UGT8: variants seen among roughly 807,000 people sequenced by gnomAD.
UGT8 encodes the protein UDP glycosyltransferase 8, also known as 2-hydroxyacylsphingosine 1-beta-galactosyltransferase.
Under a neutral mutation model 40.5 loss-of-function variants are expected in UGT8, and 12 were observed. That is an observed-to-expected ratio of 0.30 (90% CI 0.19 to 0.48). UGT8 has a LOEUF of 0.48. Among genes scored for constraint, UGT8 ranks in the 20% least tolerant of loss-of-function variants. The pLI is 0.99. For synonymous variants in UGT8, 224 were observed against 240.4 expected (o/e 0.93, Z 0.63); for missense variants, 513 against 648.7 (o/e 0.79, Z 2.27).
At chr4:114,626,998 T>G (rs1185058512) in intron 2 of UGT8, among the ~76,000 whole-genome samples, 1 of 152,144 alleles carries the variant, frequency 6.6e-6, no homozygotes, top group Non-Finnish European at 1.5e-5. Flanking sequence ...TTGTGTGCCT[T>G]GATAGTAGAA....
chr4:114,635,730 T>C (rs1732849399), intron 2 of UGT8, among the ~76,000 whole-genome samples: 1 of 152,170 alleles, frequency 6.6e-6, no homozygotes, highest in South Asian at 2.1e-4. Flanking sequence ...TTTAAGTATA[T>C]CGCTTTGTAA....
intron 2 of UGT8, among the ~76,000 whole-genome samples, chr4:114,651,225 GTC>G (rs1733878826): frequency 6.6e-6 from 1 of 151,842 alleles, no homozygotes; most frequent in East Asian, 1.9e-4. Context: ...ATTGAGTAGT[GTC>G]TCTTACCAAT....
At chr4:114,625,408 G>A (rs1486683383) in intron 2 of UGT8, among the ~76,000 whole-genome samples, 2 of 151,132 alleles carry the variant, frequency 1.3e-5, no homozygotes, top group African/African-American at 4.9e-5. Context: ...CTACTCAGGA[G>A]GCTGAGGTGG....
intron 2 of UGT8, among the ~76,000 whole-genome samples, chr4:114,646,595 A>G (rs554300568): frequency 6.4e-4 from 97 of 152,316 alleles, no homozygotes; most frequent in Non-Finnish European, 3.5e-4. Context: ...CACAGATAGT[A>G]CCATTTCCAG....
In UGT8 at chr4:114,648,371, G is replaced by GTTTT. The variant is rs71753758; in HGVS notation, c.823-15606_823-15603dup. ...TGATCTCAGACACACAGAAAATCTG[G>GTTTT]TTTTTTTTTTTTTTTTTTTTTAGTC... On this transcript the variant is annotated intron_variant, in intron 2 of 5. Transcript: ENST00000310836. Among the ~76,000 whole-genome samples the GTTTT allele has an allele frequency of 5.4e-3, 674 of 125,662 alleles. 9 individuals are homozygous for GTTTT. Among genetic ancestry groups the GTTTT allele is most frequent in the African/African-American group, 0.018 (639 of 34,594 alleles). The allele number at this position is 125,662 out of a possible 152,430, so 82.4% of individuals were successfully genotyped here. A position where few individuals can be genotyped will look rare whatever the true frequency, so the allele number is the denominator to read the frequency against.
At chr4:114,606,129 A>G (rs1730716911) in intron 1 of UGT8, among the ~76,000 whole-genome samples, 1 of 152,096 alleles carries the variant, frequency 6.6e-6, no homozygotes, top group South Asian at 2.1e-4. Context: ...CACTTCTGTA[A>G]CACATCTTGA....
chr4:114,618,328 A>G (rs1398765368), intron 1 of UGT8, among the ~76,000 whole-genome samples: 1 of 152,184 alleles, frequency 6.6e-6, no homozygotes, highest in East Asian at 1.9e-4. Context: ...ACACCAGTTT[A>G]CATTTTCACC....
chr4:114,618,186 A>G (rs573161846), intron 1 of UGT8, among the ~76,000 whole-genome samples: 1 of 152,274 alleles, frequency 6.6e-6, no homozygotes, highest in Admixed American at 6.5e-5. Context: ...AATTAAATTA[A>G]TCTACTGTTG....
At chr4:114,661,713 C>A (rs928131146) in intron 2 of UGT8, among the ~76,000 whole-genome samples, 1 of 152,186 alleles carries the variant, frequency 6.6e-6, no homozygotes, top group East Asian at 1.9e-4. Context: ...TCTGCTCCAG[C>A]CTTTCATCTC....
chr4:114,643,817 A>G (rs541596946), intron 2 of UGT8, among the ~76,000 whole-genome samples: 5 of 152,210 alleles, frequency 3.3e-5, no homozygotes, highest in African/African-American at 1.2e-4. Flanking sequence ...GCCACAACAC[A>G]TCAAACATGA....
chr4:114,603,302 G>T (rs1730545107), intron 1 of UGT8, among the ~76,000 whole-genome samples: 1 of 152,118 alleles, frequency 6.6e-6, no homozygotes, highest in Non-Finnish European at 1.5e-5. Flanking sequence ...AGAGGTCCTG[G>T]GCTAGATAGG....
chr4:114,659,174 A>G lies in UGT8; in HGVS notation c.823-4821A>G, dbSNP rs116894252. The stretch of plus-strand genomic sequence containing the variant: ...TAAAATAAATGCAAATACTTAACAT[A>G]TAGCATCTGATTATAGGAAATAGAA... On this transcript the variant is annotated intron_variant, in intron 2 of 5. Coordinates refer to ENST00000310836, the MANE Select transcript of UGT8 (RefSeq NM_001128174.3). Among the ~76,000 whole-genome samples, 133 of 152,314 alleles carry G rather than the reference A, an allele frequency of 8.7e-4. 3 individuals carry two copies. The East Asian group carries it at 0.017, about 20-fold the overall frequency.
At chr4:114,613,600 A>T (rs532114274) in intron 1 of UGT8, among the ~76,000 whole-genome samples, 26 of 152,256 alleles carry the variant, frequency 1.7e-4, no homozygotes, top group Middle Eastern at 3.4e-3. Flanking sequence ...AATTCCCAAG[A>T]TAATTGAGCT....
chr4:114,666,831 C>A (rs1019055629), intron 4 of UGT8, among the ~76,000 whole-genome samples: 20 of 151,884 alleles, frequency 1.3e-4, no homozygotes, highest in Middle Eastern at 3.2e-3. Context: ...TGTGAGAACT[C>A]TGACTTTTTC....
intron 4 of UGT8, among the ~76,000 whole-genome samples, chr4:114,666,363 G>A (rs754958208): frequency 7.9e-5 from 12 of 151,916 alleles, no homozygotes; most frequent in South Asian, 2.1e-4. Flanking sequence ...TAGTATATGC[G>A]TATCTTTTAA....
At chr4:114,668,617 A>T (rs1249048398) in intron 5 of UGT8, among the ~76,000 whole-genome samples, 1 of 152,256 alleles carries the variant, frequency 6.6e-6, no homozygotes, top group Non-Finnish European at 1.5e-5. Context: ...CATACTTATA[A>T]CAGCTGTATA....
chr4:114,676,344 A>G lies in UGT8; in HGVS notation c.*56A>G. 10 of 1,423,228 alleles carry G rather than the reference A, an allele frequency of 7.0e-6. No individual in the cohort carries two copies. The highest frequency in any genetic ancestry group is 7.0e-5 in the South Asian group (5 of 71,450). The allele number at this position is 1,423,228 out of a possible 1,614,324, so 88.2% of individuals were successfully genotyped here. A position where few individuals can be genotyped will look rare whatever the true frequency, so the allele number is the denominator to read the frequency against. ...GTTCACTCATTGAATTTTTATTGCTATTATTTAGTCTAACAGCTACTAAAA... is the reference window on the plus strand; with the variant it reads ...GTTCACTCATTGAATTTTTATTGCTGTTATTTAGTCTAACAGCTACTAAAA... On this transcript the variant is annotated 3_prime_UTR_variant, in exon 6 of 6. Transcript: ENST00000310836.
chr4:114,659,777 A>G (rs72677943), intron 2 of UGT8, among the ~76,000 whole-genome samples: 6,090 of 152,348 alleles, frequency 0.04, 163 homozygotes, highest in Non-Finnish European at 0.062. Flanking sequence ...GTCCTTAAAA[A>G]TATGCTAAGT....
chr4:114,622,024 T>A (rs978861917), intron 1 of UGT8, among the ~76,000 whole-genome samples: 2 of 152,086 alleles, frequency 1.3e-5, no homozygotes, highest in African/African-American at 2.4e-5. Flanking sequence ...TACATATGTA[T>A]ACATGTGACA....
Sources: gnomAD v4.1 joint callset for allele counts (sites outside exome capture counted in the v4.1 genomes callset) on GRCh38, gnomAD v4.1.1 for gene constraint, MANE v1.5 for transcripts, NCBI Gene and HGNC (gene_info 2026-07-23, HGNC 2026-07-21) for gene names.